RIF1: variants seen among roughly 807,000 people sequenced by gnomAD.
RIF1 encodes the protein replication timing regulatory factor 1, also known as telomere-associated protein RIF1.
In RIF1, 45 loss-of-function variants were observed where a neutral mutation model predicts 247.1. The observed-to-expected ratio is 0.18, with a 90% CI of 0.14 to 0.23. The LOEUF (loss-of-function observed/expected upper bound fraction) is 0.23, where lower values mean the gene tolerates loss of function less well. Ranked by LOEUF, RIF1 falls within the 10% of genes least tolerant of loss-of-function variation. RIF1 has a pLI of 1.00. For missense variants in RIF1, 2,967 were observed against 2,862.5 expected (o/e 1.04, Z -0.83); for synonymous variants, 1,087 against 978.8 (o/e 1.11, Z -2.06).
At chr2:151,422,722 A>G (rs887364729) in intron 7 of RIF1, among the ~76,000 whole-genome samples, 2 of 150,242 alleles carry the variant, frequency 1.3e-5, no homozygotes, top group Non-Finnish European at 3.0e-5. Context: ...CCAGTCTTGA[A>G]CTCCTGACTT....
intron 20 of RIF1, among the ~76,000 whole-genome samples, chr2:151,448,403 G>A (rs762790925): frequency 1.3e-5 from 2 of 152,070 alleles, no homozygotes; most frequent in South Asian, 4.2e-4. Flanking sequence ...CCCCTCACAC[G>A]TCTTCTCCTC....
chr2:151,503,151 C>G (rs772828333), exon 12 of RIF1: 1 of 593,558 alleles, frequency 1.7e-6, no homozygotes, highest in Non-Finnish European at 2.9e-6. Flanking sequence ...CAAATCTAGT[C>G]AAGTCACTGA....
At chr2:151,453,957 A>G (rs944146546) in intron 21 of RIF1, among the ~76,000 whole-genome samples, 1 of 152,104 alleles carries the variant, frequency 6.6e-6, no homozygotes, top group African/African-American at 2.4e-5. Context: ...CATTACCCTC[A>G]ATGTATTTAC....
At position 151,499,298 on chromosome 2, in the gene RIF1, C is replaced by T. The variant is rs781581005; in HGVS notation, c.*514-47C>T. 19 of 1,448,378 alleles carry T rather than the reference C, an allele frequency of 1.3e-5. No individual in the cohort carries two copies. The highest frequency in any genetic ancestry group is 1.5e-5 in the Non-Finnish European group (16 of 1,074,328). The allele number at this position is 1,448,378 out of a possible 1,614,324, so 89.7% of individuals were successfully genotyped here. A position where few individuals can be genotyped will look rare whatever the true frequency, so the allele number is the denominator to read the frequency against. ...AAAGGGATTTTTTATTTTTAAATAC[C>T]GAACTAAAGTTTTCTTGATTGTGTT... On this transcript the variant is annotated intron_variant and NMD_transcript_variant, in intron 10 of 13. Coordinates refer to the RIF1 transcript ENST00000454583.
At chr2:151,444,634 A>C (rs903953253) in intron 18 of RIF1, among the ~76,000 whole-genome samples, 12 of 152,146 alleles carry the variant, frequency 7.9e-5, no homozygotes, top group African/African-American at 2.9e-4. Context: ...TGTTTTGGCT[A>C]CTCAAGCTAG....
intron 30 of RIF1, among the ~76,000 whole-genome samples, chr2:151,466,649 G>A (rs1162050412): frequency 3.3e-5 from 5 of 151,964 alleles, no homozygotes; most frequent in Non-Finnish European, 7.4e-5. Context: ...TTTTACTTTA[G>A]AAAAGATGGA....
downstream of RIF1, among the ~76,000 whole-genome samples, chr2:151,509,620 T>TTTTG (rs946974193): frequency 2.0e-5 from 3 of 152,244 alleles, no homozygotes; most frequent in Admixed American, 1.3e-4. Context: ...GAGGTTTTTT[T>TTTTG]TTTGTTTGTT....
the RIF1 span, chr2:151,533,673 G>A: frequency 1.6e-6 from 1 of 625,570 alleles, no homozygotes; most frequent in Non-Finnish European, 2.8e-6. Context: ...TCACATATGT[G>A]CGGGTGAAGA....
Position 151,457,804 on chromosome 2 carries a change from G to C in RIF1, c.2696G>C (p.Ser899Thr), listed in dbSNP as rs1046650622. The stretch of plus-strand genomic sequence containing the variant: ...GAAATTATTGCTTGTCTGCAATTCA[G>C]CTACACCGGAACTTATGATAGTGAA... Reference protein sequence around the residue: ...LGEIIACLQFSYTGTYDSELL... With the variant: ...LGEIIACLQFTYTGTYDSELL... Residue 899 changes from serine to threonine, a missense_variant, in exon 24 of 36, where the codon AGC becomes ACC. By Grantham distance (58) the Ser-to-Thr change is moderately conservative (BLOSUM62 1). Coordinates refer to ENST00000444746, the MANE Select transcript of RIF1 (RefSeq NM_018151.5). 3 of 1,613,682 alleles carry C rather than the reference G, an allele frequency of 1.9e-6. No homozygotes were observed. The highest frequency in any genetic ancestry group is 8.5e-7 in the Non-Finnish European group (1 of 1,179,902).
At chr2:151,446,334 G>A in intron 19 of RIF1, 92 bp from the exon 20 acceptor site, 1 of 1,238,026 alleles carries the variant, frequency 8.1e-7, no homozygotes, top group South Asian at 1.3e-5. Context: ...ATGTTGCAGT[G>A]TTTTTAAAAA....
At chr2:151,416,161 T>C (rs1687191530) in intron 4 of RIF1, among the ~76,000 whole-genome samples, 1 of 152,242 alleles carries the variant, frequency 6.6e-6, no homozygotes, top group South Asian at 2.1e-4. Flanking sequence ...TGTTACCATC[T>C]GTTTTTGAGG....
At chr2:151,533,779 CTTACG>C in the RIF1 span, among the ~76,000 whole-genome samples, 25 of 152,208 alleles carry the variant, frequency 1.6e-4, no homozygotes, top group Non-Finnish European at 1.3e-4. Context: ...GCTAGTTTCA[CTTACG>C]TTACCACCAA....
intron 10 of RIF1, among the ~76,000 whole-genome samples, chr2:151,435,260 T>C (rs1690940943): frequency 6.6e-6 from 1 of 152,198 alleles, no homozygotes; most frequent in African/African-American, 2.4e-5. Context: ...ATAAACAAAT[T>C]TAGGTAATAC....
chr2:151,437,785 T>C (rs927649557), intron 13 of RIF1, among the ~76,000 whole-genome samples: 1 of 152,236 alleles, frequency 6.6e-6, no homozygotes. Flanking sequence ...ATTCATTTAA[T>C]TTTCGCAGTA....
chr2:151,490,640 A>G lies in RIF1; in HGVS notation c.*416-4589A>G, dbSNP rs990774947. On this transcript the variant is annotated intron_variant and NMD_transcript_variant, in intron 9 of 13. Coordinates refer to the RIF1 transcript ENST00000454583. ...CAAGCATGGTTTTAAGTACTTTCCC[A>G]TGGGTCAAACCCTCACAGTTATTCT... 7 of 1,220,310 alleles carry G rather than the reference A, an allele frequency of 5.7e-6. No homozygotes were observed. The African/African-American group carries it at 9.0e-5, about 16-fold the overall frequency. 75.6% of individuals were successfully genotyped at this position (1,220,310 alleles called of 1,614,324 possible). A position where few individuals can be genotyped will look rare whatever the true frequency, so the allele number is the denominator to read the frequency against.
At chr2:151,472,166 C>CT (rs1441004502) in intron 34 of RIF1, among the ~76,000 whole-genome samples, 1 of 152,116 alleles carries the variant, frequency 6.6e-6, no homozygotes, top group Non-Finnish European at 1.5e-5. Context: ...ATTTGGCTCT[C>CT]TGTTTGTCTG....
intron 9 of RIF1, 74 bp from the exon 10 acceptor site, chr2:151,433,003 C>T: frequency 1.8e-6 from 2 of 1,122,398 alleles, no homozygotes; most frequent in Non-Finnish European, 2.5e-6. Flanking sequence ...TGATAAAAGA[C>T]TGTTGCATAG....
At position 151,505,508 on chromosome 2, in the gene RIF1, A is replaced by G. The variant is rs1357243021; in HGVS notation, c.*862-702A>G. 2 of 1,613,658 alleles carry G rather than the reference A, an allele frequency of 1.2e-6. No homozygotes were observed. The highest frequency in any genetic ancestry group is 1.7e-6 in the Non-Finnish European group (2 of 1,179,708). Reference sequence around the variant, plus strand: ...TAATGTGCTTCTGCGTCTCCTTCACACGTTTCACTTCAGGCAGGTCAGGGA... The same window carrying G: ...TAATGTGCTTCTGCGTCTCCTTCACGCGTTTCACTTCAGGCAGGTCAGGGA... On this transcript the variant is annotated intron_variant and NMD_transcript_variant, in intron 12 of 13. Coordinates refer to the RIF1 transcript ENST00000454583.
intron 34 of RIF1, among the ~76,000 whole-genome samples, chr2:151,472,695 C>T (rs925098732): frequency 2.0e-5 from 3 of 152,172 alleles, no homozygotes; most frequent in South Asian, 4.1e-4. Context: ...ATATGTTGAA[C>T]CAGCCTTGCA....
Sources: gnomAD v4.1 joint callset for allele counts (sites outside exome capture counted in the v4.1 genomes callset) on GRCh38, gnomAD v4.1.1 for gene constraint, MANE v1.5 for transcripts, NCBI Gene and HGNC (gene_info 2026-07-23, HGNC 2026-07-21) for gene names.